The following NCR1 variants were observed in gnomAD, a reference collection of about 807,000 sequenced individuals.
NCR1 encodes the protein NK cell-activating receptor.
In NCR1, 30 loss-of-function variants were observed where a neutral mutation model predicts 32.5. The observed-to-expected ratio is 0.92, with a 90% confidence interval of 0.69 to 1.25. NCR1 has a LOEUF of 1.25. Ranked by LOEUF, NCR1 falls within the 50% of genes most tolerant of loss-of-function variation. The pLI is 0.00. For synonymous variants in NCR1, 169 were observed against 143.4 expected, an observed-to-expected ratio of 1.18 and a Z score of -1.28; for missense variants, 369 against 380.7, an observed-to-expected ratio of 0.97 and a Z score of 0.26.
At chr19:54,900,678 G>A in the NCR1 span, among the ~76,000 whole-genome samples, 4 of 152,076 alleles carry the variant, frequency 2.6e-5, no homozygotes, top group African/African-American at 9.7e-5. Context: ...ACTGCACCTG[G>A]CCTTAGAAAA....
At chr19:54,919,725 C>CCCAAA (rs1556721757), downstream of NCR1, among the ~76,000 whole-genome samples, 1 of 145,264 alleles carries the variant, frequency 6.9e-6, no homozygotes, top group East Asian at 2.1e-4. Context: ...CCCCCCCCCC[C>CCCAAA]ACCCGCTGCC....
the NCR1 span, among the ~76,000 whole-genome samples, chr19:54,900,151 G>T: frequency 3.3e-5 from 5 of 152,144 alleles, no homozygotes; most frequent in Non-Finnish European, 7.4e-5. Flanking sequence ...ATCTCCTAAG[G>T]AAGATCCCCT....
the NCR1 span, among the ~76,000 whole-genome samples, chr19:54,926,354 A>C: frequency 6.6e-6 from 1 of 152,188 alleles, no homozygotes; most frequent in African/African-American, 2.4e-5. Flanking sequence ...GCATTTTAGA[A>C]AAGTATCTAA....
downstream of NCR1, among the ~76,000 whole-genome samples, chr19:54,918,854 C>T (rs530182859): frequency 9.2e-5 from 14 of 151,968 alleles, no homozygotes; most frequent in South Asian, 2.1e-4. Context: ...TGTGGTGGCA[C>T]GTGCCTATAA....
intron 3 of NCR1, among the ~76,000 whole-genome samples, chr19:54,908,895 GC>G (rs2067789024): frequency 6.6e-6 from 1 of 151,746 alleles, no homozygotes; most frequent in East Asian, 1.9e-4. Flanking sequence ...CAAAGATAGT[GC>G]CACGGCGCTC....
intron 6 of NCR1, 119 bp downstream of exon 6, chr19:54,912,337 C>G (rs2068015087): frequency 1.0e-6 from 1 of 999,908 alleles, no homozygotes; most frequent in Non-Finnish European, 1.6e-6. Flanking sequence ...TAGCTCACAC[C>G]TGTAATCTCA....
chr19:54,903,485 T>G (rs587605700), upstream of NCR1, among the ~76,000 whole-genome samples: 8 of 145,230 alleles, frequency 5.5e-5, no homozygotes, highest in Non-Finnish European at 9.1e-5. Context: ...TACATGTATG[T>G]ATATACATAT....
chr19:54,927,658 T>A, the NCR1 span: 1 of 1,614,156 alleles, frequency 6.2e-7, no homozygotes, highest in South Asian at 1.1e-5. Context: ...AGAGCTTAAT[T>A]ATGCCACTCT....
the NCR1 span, among the ~76,000 whole-genome samples, chr19:54,935,974 C>T: frequency 0.071 from 10,845 of 152,154 alleles, 416 homozygotes; most frequent in South Asian, 0.11. Flanking sequence ...GGCCACTGCT[C>T]TCAATCCCAA....
chr19:54,912,994 C>A lies in NCR1; in HGVS notation c.*123C>A. 2.3e-6 allele frequency: 2 copies of A among 871,798 alleles called. No homozygotes were observed. Among genetic ancestry groups the A allele is most frequent in the Non-Finnish European group, 3.5e-6 (2 of 579,272 alleles). The allele number at this position is 871,798 out of a possible 1,614,324, so 54.0% of individuals were successfully genotyped here. A position where few individuals can be genotyped will look rare whatever the true frequency, so the allele number is the denominator to read the frequency against. ...CACTGCAGGGAAAGAGGGACACTGGCATTCCATTTGTCAGAGCATCCCGGA... is the reference window on the plus strand; with the variant it reads ...CACTGCAGGGAAAGAGGGACACTGGAATTCCATTTGTCAGAGCATCCCGGA... On this transcript the variant is annotated 3_prime_UTR_variant, in exon 7 of 7. Transcript: ENST00000291890.
chr19:54,913,051 A>T lies in NCR1; in HGVS notation c.*180A>T. The stretch of plus-strand genomic sequence containing the variant: ...AGAGGGTGGGAGAACTACATGCTAA[A>T]TTTCTTTTTTTTTTTTTTTGAGACA... On this transcript the variant is annotated 3_prime_UTR_variant, in exon 7 of 7. Transcript: ENST00000291890. The T allele has an allele frequency of 2.0e-6, 1 of 499,316 alleles. No homozygotes were observed. 30.9% of individuals were successfully genotyped at this position (499,316 alleles called of 1,614,324 possible).
chr19:54,929,795 G>T, the NCR1 span, among the ~76,000 whole-genome samples: 1 of 152,074 alleles, frequency 6.6e-6, no homozygotes, highest in African/African-American at 2.4e-5. Flanking sequence ...AACTGGATCC[G>T]AAGTGATACA....
chr19:54,917,930 G>A (rs950497680), downstream of NCR1, among the ~76,000 whole-genome samples: 4 of 152,126 alleles, frequency 2.6e-5, no homozygotes, highest in Admixed American at 6.5e-5. Context: ...TACGTAAGAC[G>A]TGGCTATTTT....
chr19:54,931,672 C>G, the NCR1 span, among the ~76,000 whole-genome samples: 1 of 67,800 alleles, frequency 1.5e-5, no homozygotes, highest in East Asian at 5.1e-4. Flanking sequence ...TGGGCAAGAG[C>G]GAAACTCCAT....
chr19:54,898,364 G>A, the NCR1 span, among the ~76,000 whole-genome samples: 3 of 152,190 alleles, frequency 2.0e-5, no homozygotes, highest in African/African-American at 7.2e-5. Flanking sequence ...TGGGGGAAGA[G>A]GTTCTGGAGG....
chr19:54,906,554 G>A lies in NCR1; in HGVS notation c.102G>A (p.Glu34=). 6.2e-7 allele frequency: 1 copy of A among 1,611,526 alleles called. No homozygotes were observed. Among genetic ancestry groups the A allele is most frequent in the South Asian group, 1.1e-5 (1 of 91,090 alleles). ...TCCCAAAACCGTTCATCTGGGCCGA[G>A]CCCCATTTCATGGTTCCAAAGGAAA... ...QTLPKPFIWA[E]PHFMVPKEKQ... Residue 34 remains glutamate (E), a synonymous_variant, in exon 3 of 7, where the codon GAG becomes GAA. Transcript: ENST00000291890.
chr19:54,908,817 ACGGGGTTTCAC>A (rs1481337253), intron 3 of NCR1, among the ~76,000 whole-genome samples: 6 of 151,776 alleles, frequency 4.0e-5, no homozygotes, highest in African/African-American at 1.4e-4. Flanking sequence ...TTTAGTAGAG[ACGGGGTTTCAC>A]CATGTTGACC....
At position 54,912,940 on chromosome 19, in the gene NCR1, C is replaced by T. The variant is rs2146094278; in HGVS notation, c.*69C>T. 1 of 1,504,966 alleles carries T rather than the reference C, an allele frequency of 6.6e-7. No individual in the cohort carries two copies. The highest frequency in any genetic ancestry group is 9.0e-7 in the Non-Finnish European group (1 of 1,109,304). The allele number at this position is 1,504,966 out of a possible 1,614,324, so 93.2% of individuals were successfully genotyped here. A position where few individuals can be genotyped will look rare whatever the true frequency, so the allele number is the denominator to read the frequency against. On this transcript the variant is annotated 3_prime_UTR_variant, in exon 7 of 7. Transcript: ENST00000291890. The stretch of plus-strand genomic sequence containing the variant: ...TGGTGTTGAGCCTGGGCGGCGTGAG[C>T]TCTGTGTTGGACCCACGGAGGAGGG...
chr19:54,901,477 G>C (rs903900670), upstream of NCR1, among the ~76,000 whole-genome samples: 3 of 151,934 alleles, frequency 2.0e-5, no homozygotes, highest in Non-Finnish European at 4.4e-5. Flanking sequence ...GTCTGTAGAG[G>C]GGGGACAGTC....
Sources: allele counts gnomAD v4.1 joint callset (sites outside exome capture counted in the v4.1 genomes callset), GRCh38; gene constraint gnomAD v4.1.1; transcripts MANE v1.5; gene names NCBI Gene and HGNC (gene_info 2026-07-23, HGNC 2026-07-21).